The following KIF4A variants were observed in gnomAD, a reference collection of about 807,000 sequenced individuals.
KIF4A encodes the protein chromosome-associated kinesin KIF4A.
KIF4A carries 7 observed loss-of-function variants against 105.9 expected under a neutral mutation model. The observed-to-expected ratio is 0.07, with a 90% CI of 0.04 to 0.12. The LOEUF is 0.12. Among genes scored for constraint, KIF4A ranks in the 10% least tolerant of loss-of-function variants. The probability of loss-of-function intolerance (pLI) is 1.00; values close to 1 mark genes in which losing one functional copy is unlikely to be tolerated. For missense variants in KIF4A, 558 were observed against 929.2 expected, an observed-to-expected ratio of 0.60 and a Z score of 5.19; for synonymous variants, 281 against 331.3, an observed-to-expected ratio of 0.85 and a Z score of 1.65.
intron 28 of KIF4A, among the ~76,000 whole-genome samples, chrX:70,412,822 G>C (rs1302684422): frequency 9.1e-6 from 1 of 110,062 alleles, no homozygotes; most frequent in Non-Finnish European, 1.9e-5. Flanking sequence ...TACTCAGTGG[G>C]GGCTGAGGCC....
chrX:70,311,088 G>A (rs1459614611), intron 7 of KIF4A, among the ~76,000 whole-genome samples: 2 of 106,816 alleles, frequency 1.9e-5, no homozygotes, highest in African/African-American at 6.9e-5. Flanking sequence ...TCGCACCACA[G>A]CACTCCAGCC....
intron 7 of KIF4A, among the ~76,000 whole-genome samples, chrX:70,321,962 C>A (rs761251923): frequency 9.0e-6 from 1 of 110,701 alleles, no homozygotes; most frequent in Non-Finnish European, 1.9e-5. Context: ...TTTCCTCTCA[C>A]TTTTCTGAAG....
intron 10 of KIF4A, among the ~76,000 whole-genome samples, chrX:70,337,507 C>T (rs989078468): frequency 1.4e-4 from 16 of 110,851 alleles, no homozygotes; most frequent in African/African-American, 5.3e-4. Flanking sequence ...CCTGTCTCTA[C>T]AAAAAATACA....
chrX:70,343,982 G>C lies in KIF4A; in HGVS notation c.1431G>C (p.Ser477=). 8.6e-7 allele frequency: 1 copy of C among 1,167,744 alleles called. No individual in the cohort carries two copies. Among genetic ancestry groups the C allele is most frequent in the Non-Finnish European group, 1.2e-6 (1 of 856,488 alleles). The stretch of plus-strand genomic sequence containing the variant: ...TGCAGCAATTGATTACCCAGTTATC[G>C]GTAAGCCAAGTAGGGGCAGTGTAAA... ...CNLQQLITQL[S]DETVACMAAA... The change falls in exon 13 of 31, where the codon TCG becomes TCC. Residue 477 remains serine, a splice_region_variant and synonymous_variant. Transcript: ENST00000374403.
intron 7 of KIF4A, among the ~76,000 whole-genome samples, chrX:70,328,455 G>C (rs1221040228): frequency 1.8e-5 from 2 of 111,712 alleles, no homozygotes; most frequent in African/African-American, 6.5e-5. Flanking sequence ...TCTCCTAAAC[G>C]TCCCACCTCC....
intron 9 of KIF4A, among the ~76,000 whole-genome samples, chrX:70,330,843 G>A (rs769460568): frequency 8.9e-6 from 1 of 112,281 alleles, no homozygotes; most frequent in South Asian, 3.7e-4. Context: ...AACAATAGGA[G>A]TTTGGTCCAA....
chrX:70,357,210 A>T (rs761960004), intron 15 of KIF4A, among the ~76,000 whole-genome samples: 10 of 111,441 alleles, frequency 9.0e-5, no homozygotes, highest in African/African-American at 3.3e-4. Flanking sequence ...GCTACTGGGG[A>T]GGCTGAGGCA....
intron 15 of KIF4A, among the ~76,000 whole-genome samples, chrX:70,360,041 TA>T (rs1465157141): frequency 1.8e-5 from 2 of 111,386 alleles, no homozygotes; most frequent in Non-Finnish European, 3.8e-5. Flanking sequence ...GTTAAATATT[TA>T]ACCCTGTGAG....
At chrX:70,296,938 G>T (rs1569228025) in intron 3 of KIF4A, 60 bp from the exon 4 acceptor site, 1 of 1,065,690 alleles carries the variant, frequency 9.4e-7, no homozygotes, top group East Asian at 3.0e-5. Context: ...AGGAAATGGA[G>T]TATATTGATT....
In KIF4A at chrX:70,290,778, G is replaced by A; in HGVS notation, c.208G>A (p.Ala70Thr). The change falls in exon 3 of 31, where the codon GCG becomes ACG. Residue 70 changes from alanine to threonine, a missense_variant. By Grantham distance (58) the Ala-to-Thr change is moderately conservative (BLOSUM62 0). This residue lies in a region of KIF4A where 89 missense variants were observed against 248.8 expected (regional missense o/e 0.36). Coordinates refer to ENST00000374403, the MANE Select transcript of KIF4A (RefSeq NM_012310.5). ...GGAAGAAGTCTTCAATACAGCAGTA[G>A]CGCCACTCATAAAAGGTGTATTTAA... ...EQEEVFNTAV[A>T]PLIKGVFKGY... 8.4e-7 allele frequency: 1 copy of A among 1,195,997 alleles called. No individual in the cohort carries two copies. The highest frequency in any genetic ancestry group is 1.1e-6 in the Non-Finnish European group (1 of 881,219).
chrX:70,389,851 A>G (rs2086231609), intron 20 of KIF4A, among the ~76,000 whole-genome samples: 1 of 112,171 alleles, frequency 8.9e-6, no homozygotes, highest in South Asian at 3.6e-4. Context: ...TGTTTTGGGA[A>G]AACTGGGTCC....
At chrX:70,322,565 C>T (rs2085895198) in intron 7 of KIF4A, among the ~76,000 whole-genome samples, 1 of 109,597 alleles carries the variant, frequency 9.1e-6, no homozygotes, top group Non-Finnish European at 1.9e-5. Context: ...CCCACCTCGG[C>T]CTCCCAAAGT....
chrX:70,405,146 G>C (rs1186898396), intron 25 of KIF4A, among the ~76,000 whole-genome samples: 2 of 111,211 alleles, frequency 1.8e-5, no homozygotes, highest in Non-Finnish European at 3.8e-5. Flanking sequence ...TAGAATCCTA[G>C]GGCCATTCAA....
Position 70,409,366 on chromosome X carries a change from G to C in KIF4A, c.3255+2291G>C, listed in dbSNP as rs367956521. The stretch of plus-strand genomic sequence containing the variant: ...AGAGTTGGGACACTTAGAGAAAATG[G>C]GGCAGAGCGTGTCTCTTTCTTTCAT... On this transcript the variant is annotated intron_variant, in intron 28 of 30. Transcript: ENST00000374403. Among the ~76,000 whole-genome samples the C allele has an allele frequency of 4.5e-5, 5 of 111,713 alleles. No individual in the cohort carries two copies. The East Asian group carries it at 1.1e-3, about 25-fold the overall frequency.
Position 70,405,850 on chromosome X carries a change from G to T in KIF4A, c.2921G>T (p.Arg974Leu). The T allele has an allele frequency of 8.3e-7, 1 of 1,208,725 alleles. No individual in the cohort carries two copies. Among genetic ancestry groups the T allele is most frequent in the East Asian group, 3.0e-5 (1 of 33,815 alleles). The change falls in exon 26 of 31, where the codon CGA becomes CTA. Residue 974 changes from arginine to leucine, a missense_variant. By Grantham distance (102) the Arg-to-Leu change is moderately radical. Transcript: ENST00000374403. ...KCQDEELEKM[R>L]EVCEQNQQLL... is the part of the protein sequence containing the mutation. ...TAGGATGAAGAACTTGAGAAAATGC[G>T]AGAAGTGTGTGAGCAAAATCAGCAG...
intron 18 of KIF4A, 101 bp downstream of exon 18, chrX:70,376,311 T>C (rs1315018918): frequency 8.5e-6 from 4 of 472,183 alleles, no homozygotes; most frequent in Non-Finnish European, 7.4e-6. Flanking sequence ...TCTCCAAAAG[T>C]GTGACATTCT....
intron 18 of KIF4A, among the ~76,000 whole-genome samples, chrX:70,383,058 A>G (rs1474864219): frequency 9.1e-6 from 1 of 109,983 alleles, no homozygotes; most frequent in Non-Finnish European, 1.9e-5. Context: ...GTGGTGGCAC[A>G]TGCCTGTAAT....
intron 13 of KIF4A, among the ~76,000 whole-genome samples, chrX:70,348,099 T>C (rs2086001615): frequency 9.2e-6 from 1 of 108,369 alleles, no homozygotes; most frequent in African/African-American, 3.4e-5. Context: ...CCTCACTGGT[T>C]GGGAGTTTCT....
At chrX:70,331,611 T>C (rs770503433) in intron 9 of KIF4A, among the ~76,000 whole-genome samples, 11 of 95,700 alleles carry the variant, frequency 1.1e-4, no homozygotes, top group Non-Finnish European at 1.9e-4. Flanking sequence ...CCTTGCTTAA[T>C]GCAGGGTTGC....
Sources: allele counts gnomAD v4.1 joint callset (sites outside exome capture counted in the v4.1 genomes callset), GRCh38; gene constraint gnomAD v4.1.1; regional missense constraint gnomAD v4.1.1; transcripts MANE v1.5; gene names NCBI Gene and HGNC (gene_info 2026-07-23, HGNC 2026-07-21).